Variants in EML6 observed in about 807,000 individuals in gnomAD.
The protein encoded by EML6 is EMAP like 6.
EML6 carries 154 observed loss-of-function variants against 240.1 expected under a neutral mutation model. That is an observed-to-expected ratio of 0.64 (90% CI 0.56 to 0.73). The LOEUF is 0.73. Among genes scored for constraint, EML6 ranks in the 30% least tolerant of loss-of-function variants. EML6 has a pLI of 0.00. For missense variants in EML6, 2,964 were observed against 2,474.6 expected, an observed-to-expected ratio of 1.20 and a Z score of -4.20; for synonymous variants, 1,148 against 899.0, an observed-to-expected ratio of 1.28 and a Z score of -4.95.
chr2:54,807,842 T>C (rs1279083686), intron 2 of EML6, among the ~76,000 whole-genome samples: 1 of 152,230 alleles, frequency 6.6e-6, no homozygotes, highest in Non-Finnish European at 1.5e-5. Context: ...TGGTGGCCAG[T>C]CTAAGCTGGC....
chr2:54,932,253 C>G (rs115774144), intron 28 of EML6, among the ~76,000 whole-genome samples: 1 of 152,202 alleles, frequency 6.6e-6, no homozygotes, highest in South Asian at 2.1e-4. Context: ...CACTGGGATA[C>G]CCTGCCTCCA....
chr2:54,935,223 T>G lies in EML6; in HGVS notation c.4004+6472T>G, dbSNP rs201368700. ...TGTACCTTTGAAAGTGTCTGTTTTT[T>G]GCTAAGGAGTCCCATGCTTATCTTT... On this transcript the variant is annotated intron_variant, in intron 28 of 41. Coordinates refer to ENST00000356458, the MANE Select transcript of EML6 (RefSeq NM_001039753.4). Among the ~76,000 whole-genome samples the G allele has an allele frequency of 1.3e-4, 20 of 152,320 alleles. No individual in the cohort carries two copies. In the East Asian group the frequency reaches 2.7e-3, roughly 21 times the overall value.
intron 2 of EML6, among the ~76,000 whole-genome samples, chr2:54,764,027 C>A (rs1668083222): frequency 6.6e-6 from 1 of 152,222 alleles, no homozygotes; most frequent in Admixed American, 6.5e-5. Context: ...GGCCTTTTCC[C>A]TCGTTGACCT....
chr2:54,883,143 A>G (rs1017461167), intron 17 of EML6, among the ~76,000 whole-genome samples: 2 of 152,096 alleles, frequency 1.3e-5, no homozygotes, highest in African/African-American at 4.8e-5. Flanking sequence ...TAATAAAAGG[A>G]AAATCATCTA....
chr2:54,729,480 G>T (rs545682692), intron 2 of EML6, among the ~76,000 whole-genome samples: 185 of 152,262 alleles, frequency 1.2e-3, no homozygotes, highest in African/African-American at 4.2e-3. Context: ...TGTGTATATC[G>T]ATTGATCTGA....
intron 31 of EML6, among the ~76,000 whole-genome samples, chr2:54,953,414 A>C (rs560974128): frequency 6.6e-6 from 1 of 152,194 alleles, no homozygotes; most frequent in African/African-American, 2.4e-5. Flanking sequence ...TGCAGATACA[A>C]ATCATTGACC....
intron 2 of EML6, among the ~76,000 whole-genome samples, chr2:54,797,773 C>G (rs1319252540): frequency 1.3e-5 from 2 of 152,134 alleles, no homozygotes; most frequent in African/African-American, 2.4e-5. Context: ...GGTATAAATC[C>G]TGTCTCTACC....
intron 21 of EML6, among the ~76,000 whole-genome samples, chr2:54,898,698 A>T (rs1672899982): frequency 6.6e-6 from 1 of 152,160 alleles, no homozygotes; most frequent in South Asian, 2.1e-4. Context: ...CCAGCTACAA[A>T]CACCTTTCAG....
chr2:54,790,307 T>C (rs1669363870), intron 2 of EML6, among the ~76,000 whole-genome samples: 1 of 152,222 alleles, frequency 6.6e-6, no homozygotes, highest in South Asian at 2.1e-4. Flanking sequence ...ATTGTTTTCA[T>C]TGACATATTA....
chr2:54,905,144 C>A (rs1304978678), intron 24 of EML6, among the ~76,000 whole-genome samples: 3 of 152,064 alleles, frequency 2.0e-5, no homozygotes, highest in Non-Finnish European at 2.9e-5. Flanking sequence ...CATTTATGAC[C>A]AGGCAGGGCA....
chr2:54,797,756 C>A (rs1159743165), intron 2 of EML6, among the ~76,000 whole-genome samples: 3 of 152,178 alleles, frequency 2.0e-5, no homozygotes, highest in African/African-American at 7.2e-5. Flanking sequence ...TAGAATCTGA[C>A]TGCTAGGGTA....
At position 54,869,341 on chromosome 2, in the gene EML6, G is replaced by A. The variant is rs1427938978; in HGVS notation, c.2212G>A (p.Val738Met). 5 of 1,551,428 alleles carry A rather than the reference G, an allele frequency of 3.2e-6. No individual in the cohort carries two copies. The highest frequency in any genetic ancestry group is 4.4e-6 in the Non-Finnish European group (5 of 1,146,810). The change falls in exon 15 of 42, where the codon GTG becomes ATG. Residue 738 changes from valine (V) to methionine (M), a missense_variant. Physicochemically the swap from Val to Met is conservative, Grantham distance 21. Coordinates refer to ENST00000356458, the MANE Select transcript of EML6 (RefSeq NM_001039753.4). ...CATTCTCAGCCTGACCATCCATCCAGTGAAGGACTATGTGGCTACTGGGCA... is the reference window on the plus strand; with the variant it reads ...CATTCTCAGCCTGACCATCCATCCAATGAAGGACTATGTGGCTACTGGGCA... ...DDILSLTIHP[V>M]KDYVATGQVG...
At chr2:54,851,633 T>C (rs1001501859) in intron 10 of EML6, among the ~76,000 whole-genome samples, 3 of 152,182 alleles carry the variant, frequency 2.0e-5, no homozygotes, top group African/African-American at 7.2e-5. Context: ...AGAACCAACT[T>C]TCAGGTATTT....
intron 16 of EML6, among the ~76,000 whole-genome samples, chr2:54,872,160 G>A (rs1297670141): frequency 6.6e-6 from 1 of 152,102 alleles, no homozygotes; most frequent in African/African-American, 2.4e-5. Context: ...TTTGAACACA[G>A]TATCATAAAA....
At chr2:54,740,571 A>G (rs950287899) in intron 2 of EML6, among the ~76,000 whole-genome samples, 1 of 152,232 alleles carries the variant, frequency 6.6e-6, no homozygotes, top group Non-Finnish European at 1.5e-5. Flanking sequence ...CGAATGTCCA[A>G]GGGTCATTTC....
chr2:54,797,662 G>T (rs781588000), intron 2 of EML6, among the ~76,000 whole-genome samples: 61 of 152,126 alleles, frequency 4.0e-4, no homozygotes, highest in Non-Finnish European at 4.6e-4. Flanking sequence ...TGAGGCTTCA[G>T]CTAAGGTCTT....
intron 2 of EML6, among the ~76,000 whole-genome samples, chr2:54,730,394 A>C (rs1197291117): frequency 6.6e-6 from 1 of 152,200 alleles, no homozygotes; most frequent in African/African-American, 2.4e-5. Context: ...GTGACTTTAT[A>C]TTCTTTAGTC....
intron 11 of EML6, among the ~76,000 whole-genome samples, chr2:54,854,881 T>A (rs1434924796): frequency 6.6e-6 from 1 of 152,228 alleles, no homozygotes; most frequent in African/African-American, 2.4e-5. Flanking sequence ...TTGAGTAGTA[T>A]ACTTGCAGGG....
rs539190629 is a variant in EML6 at position 54,725,035 on chromosome 2, G to A, written c.-27G>A. 11,075 of 1,488,856 alleles carry A rather than the reference G, an allele frequency of 7.4e-3. 82 individuals carry two copies. The highest frequency in any genetic ancestry group is 7.9e-3 in the Non-Finnish European group (8,891 of 1,119,492). The allele number at this position is 1,488,856 out of a possible 1,614,324, so 92.2% of individuals were successfully genotyped here. ...GAGGACGGCCCCGGCGCGCGGGGGG[G>A]CGGGGGGCGCGCGGGGTCGGCTTAT... On this transcript the variant is annotated 5_prime_UTR_variant, in exon 2 of 42. Coordinates refer to ENST00000356458, the MANE Select transcript of EML6 (RefSeq NM_001039753.4). This position sits in a 1 kb window ranked among gnomAD's most constrained non-coding sequence, Gnocchi z 4.3.
Sources: allele counts gnomAD v4.1 joint callset (sites outside exome capture counted in the v4.1 genomes callset), GRCh38; gene constraint gnomAD v4.1.1; non-coding constraint Gnocchi (gnomAD v3.1); transcripts MANE v1.5; gene names NCBI Gene and HGNC (gene_info 2026-07-23, HGNC 2026-07-21).